The following USP34 variants were observed in gnomAD, a reference collection of about 807,000 sequenced individuals.
USP34 encodes ubiquitin carboxyl-terminal hydrolase 34.
A neutral mutation model predicts 460.3 loss-of-function variants in USP34; 70 were observed. The observed-to-expected ratio is 0.15, with a 90% confidence interval of 0.13 to 0.19. USP34 has a LOEUF of 0.19. USP34 is among the 10% of genes least tolerant of loss of function. The pLI, the probability that USP34 is intolerant of heterozygous loss-of-function variation, is 1.00. For synonymous variants in USP34, 1,647 were observed against 1,405.3 expected (o/e 1.17, Z -3.85); for missense variants, 3,985 against 4,236.2 (o/e 0.94, Z 1.65).
At chr2:61,415,111 AG>A (rs886767608) in intron 2 of USP34, among the ~76,000 whole-genome samples, 2 of 152,174 alleles carry the variant, frequency 1.3e-5, no homozygotes, top group African/African-American at 2.4e-5. Flanking sequence ...TTTTAATTCT[AG>A]GAAGTCAGCG....
At chr2:61,454,861 T>G (rs979902336) in intron 1 of USP34, among the ~76,000 whole-genome samples, 1 of 72,456 alleles carries the variant, frequency 1.4e-5, no homozygotes, top group Non-Finnish European at 2.8e-5. Context: ...ATAGTGGGGT[T>G]TTTTTTTTCT....
chr2:61,462,075 T>A (rs1274155869), intron 1 of USP34, among the ~76,000 whole-genome samples: 3 of 151,204 alleles, frequency 2.0e-5, no homozygotes, highest in Non-Finnish European at 4.4e-5. Flanking sequence ...TCATCTCTAC[T>A]AAACGTAACA....
At chr2:61,317,864 G>C in intron 22 of USP34, 97 bp from the exon 23 acceptor site, 5 of 799,522 alleles carry the variant, frequency 6.3e-6, no homozygotes, top group Non-Finnish European at 9.6e-6. Flanking sequence ...ACTGTAGAAG[G>C]AAACAGATCA....
chr2:61,415,926 AT>A (rs1430125542), intron 2 of USP34, among the ~76,000 whole-genome samples: 1 of 152,228 alleles, frequency 6.6e-6, no homozygotes, highest in East Asian at 1.9e-4. Context: ...TGTAGCTTTA[AT>A]TTTAAAAGTA....
Position 61,347,961 on chromosome 2 carries a change from C to T in USP34, c.2194G>A (p.Glu732Lys). 1.2e-6 allele frequency: 2 copies of T among 1,614,076 alleles called. No individual in the cohort carries two copies. Among genetic ancestry groups the T allele is most frequent in the Non-Finnish European group, 8.5e-7 (1 of 1,180,006 alleles). The change falls in exon 15 of 80, where the codon GAG (glutamate) becomes AAG (lysine). Residue 732 changes from glutamate (E) to lysine (K), a missense_variant. Transcript: ENST00000398571. ...CITRTGDFLG[E>K]TIGNELFNCR... is the part of the protein sequence containing the mutation. ...TTAAATAATTCATTCCCAATAGTCT[C>T]CCCAAGGAAGTCCCCAGTTCGTGTG... is the stretch of plus-strand genomic sequence containing the variant.
chr2:61,241,425 C>A (rs1688256360), intron 53 of USP34, 135 bp downstream of exon 53: 2 of 580,502 alleles, frequency 3.4e-6, no homozygotes, highest in Admixed American at 3.8e-5. Context: ...ATTACCAAGA[C>A]TATTTGTAAA....
At chr2:61,455,879 AG>A (rs1347043327) in intron 1 of USP34, among the ~76,000 whole-genome samples, 3 of 152,186 alleles carry the variant, frequency 2.0e-5, no homozygotes, top group African/African-American at 7.2e-5. Flanking sequence ...ATAAGAAACA[AG>A]GCATTAAGAG....
chr2:61,195,800 C>A (rs1184418983), intron 75 of USP34, among the ~76,000 whole-genome samples: 2 of 152,202 alleles, frequency 1.3e-5, no homozygotes, highest in African/African-American at 4.8e-5. Flanking sequence ...AACCTCTGAA[C>A]TAGAGGCTGC....
chr2:61,221,192 G>C (rs181117110), intron 66 of USP34, among the ~76,000 whole-genome samples: 1 of 152,172 alleles, frequency 6.6e-6, no homozygotes, highest in Non-Finnish European at 1.5e-5. Context: ...GGTGGCTGGT[G>C]CTTCCTCTAC....
chr2:61,357,672 G>A (rs1692147445), intron 10 of USP34, among the ~76,000 whole-genome samples: 1 of 152,130 alleles, frequency 6.6e-6, no homozygotes, highest in Admixed American at 6.5e-5. Flanking sequence ...AGGCCAAGGG[G>A]GAAAGACTGC....
chr2:61,470,334 A>G (rs1695913154), intron 1 of USP34, among the ~76,000 whole-genome samples: 1 of 152,074 alleles, frequency 6.6e-6, no homozygotes, highest in Non-Finnish European at 1.5e-5. Context: ...AAGGAGGCGA[A>G]GGCGGCGAGG....
chr2:61,258,560 T>A (rs1688782458), intron 44 of USP34, among the ~76,000 whole-genome samples: 1 of 151,748 alleles, frequency 6.6e-6, no homozygotes, highest in Non-Finnish European at 1.5e-5. Context: ...TAGGAAACAA[T>A]GGCATAAATA....
chr2:61,395,651 T>C (rs1263872346), intron 3 of USP34, among the ~76,000 whole-genome samples: 4 of 148,982 alleles, frequency 2.7e-5, no homozygotes, highest in South Asian at 4.2e-4. Flanking sequence ...CCGGGCGCAG[T>C]GGCGGGCGCC....
At chr2:61,211,608 C>A (rs1687274526) in intron 69 of USP34, among the ~76,000 whole-genome samples, 164 bp downstream of exon 69, 1 of 152,146 alleles carries the variant, frequency 6.6e-6, no homozygotes, top group South Asian at 2.1e-4. Flanking sequence ...AAACCAAAGC[C>A]AGACCAAAAA....
chr2:61,416,848 A>G, intron 2 of USP34: 1 of 424,530 alleles, frequency 2.4e-6, no homozygotes, highest in Non-Finnish European at 4.1e-6. Context: ...AGTAGAATGT[A>G]TTGGTATTAA....
At chr2:61,422,419 C>A (rs1230456894) in intron 1 of USP34, among the ~76,000 whole-genome samples, 1 of 152,128 alleles carries the variant, frequency 6.6e-6, no homozygotes, top group Non-Finnish European at 1.5e-5. Flanking sequence ...AGCTGCTAAC[C>A]AACAAAAACT....
At chr2:61,465,833 C>T (rs1243194870) in intron 1 of USP34, among the ~76,000 whole-genome samples, 1 of 151,852 alleles carries the variant, frequency 6.6e-6, no homozygotes, top group Admixed American at 6.6e-5. Context: ...AAAAATTAGC[C>T]GGGCGTGGTA....
chr2:61,335,987 G>C (rs968773527), intron 18 of USP34, among the ~76,000 whole-genome samples: 2 of 152,032 alleles, frequency 1.3e-5, no homozygotes, highest in Non-Finnish European at 2.9e-5. Context: ...ACATATGGAT[G>C]ATTTTGCCTA....
chr2:61,229,783 G>A (rs1207910097), intron 58 of USP34, 150 bp from the exon 59 acceptor site: 2 of 579,386 alleles, frequency 3.5e-6, no homozygotes, highest in East Asian at 6.2e-5. Context: ...TCTCAACAAT[G>A]GACTAAGGAA....
Sources: gnomAD v4.1 joint callset for allele counts (sites outside exome capture counted in the v4.1 genomes callset) on GRCh38, gnomAD v4.1.1 for gene constraint, MANE v1.5 for transcripts, NCBI Gene and HGNC (gene_info 2026-07-23, HGNC 2026-07-21) for gene names.